The following HGF variants were observed in gnomAD, a reference collection of about 807,000 sequenced individuals.
HGF encodes the protein fibroblast-derived tumor cytotoxic factor.
In HGF, 39 loss-of-function variants were observed where a neutral mutation model predicts 111.6. That is an observed-to-expected ratio of 0.35 (90% CI 0.27 to 0.46). The LOEUF (loss-of-function observed/expected upper bound fraction) is 0.46, where lower values mean the gene tolerates loss of function less well. HGF is among the 20% of genes least tolerant of loss of function. The probability of loss-of-function intolerance (pLI) is 1.00; values close to 1 mark genes in which losing one functional copy is unlikely to be tolerated. For missense variants in HGF, 735 were observed against 910.5 expected (o/e 0.81, Z 2.48); for synonymous variants, 285 against 294.8 (o/e 0.97, Z 0.34).
rs776270506 is a variant in HGF at position 81,717,271 on chromosome 7, T to G, written c.1366A>C (p.Asn456His). 9 of 1,613,684 alleles carry G rather than the reference T, an allele frequency of 5.6e-6. No individual in the cohort carries two copies. In the South Asian group the frequency reaches 9.9e-5, roughly 18 times the overall value. Residue 456 changes from asparagine (N) to histidine (H), a missense_variant, in exon 11 of 18, where the codon AAT becomes CAT. Physicochemically the swap from Asn to His is moderately conservative, Grantham distance 68 (BLOSUM62 1). Coordinates refer to ENST00000222390, the MANE Select transcript of HGF (RefSeq NM_000601.6). ...DAHGPWCYTG[N>H]PLIPWDYCPI... is the part of the protein sequence containing the mutation. ...CAATAATCCCAAGGAATGAGTGGAT[T>G]TCCCGTGTAGCACCAGGGTCCATGA...
At chr7:81,756,239 T>C in intron 4 of HGF, 1 of 567,656 alleles carries the variant, frequency 1.8e-6, no homozygotes. Flanking sequence ...TTCAGTTTTG[T>C]CATGTAGGTA....
intron 7 of HGF, among the ~76,000 whole-genome samples, chr7:81,741,938 CAAAAAAAAAA>C (rs71520767): frequency 3.4e-3 from 156 of 46,346 alleles, no homozygotes; most frequent in African/African-American, 0.012. Flanking sequence ...AACTCCATCT[CAAAAAAAAAA>C]AAAAAAAAAA....
At chr7:81,724,578 TA>T (rs1233849917) in intron 9 of HGF, among the ~76,000 whole-genome samples, 7 of 152,330 alleles carry the variant, frequency 4.6e-5, no homozygotes, top group South Asian at 2.1e-4. Flanking sequence ...ATCTACCTTT[TA>T]AAAAAATTAT....
chr7:81,742,641 A>T, intron 7 of HGF: 1 of 1,083,544 alleles, frequency 9.2e-7, no homozygotes, highest in African/African-American at 1.6e-5. Context: ...TGTGTGACTT[A>T]ACCATAGAGG....
At chr7:81,733,013 A>G (rs1787716350) in intron 7 of HGF, among the ~76,000 whole-genome samples, 1 of 152,162 alleles carries the variant, frequency 6.6e-6, no homozygotes, top group Non-Finnish European at 1.5e-5. Flanking sequence ...TAATTGAAGA[A>G]TCTTTCACTT....
intron 7 of HGF, among the ~76,000 whole-genome samples, chr7:81,731,343 C>A (rs1319143913): frequency 6.6e-6 from 1 of 151,920 alleles, no homozygotes; most frequent in East Asian, 1.9e-4. Context: ...TCAGAAATAT[C>A]CAAACTTAAA....
rs764695573 is a variant in HGF at position 81,705,552 on chromosome 7, A to C, written c.1865-17T>G. 4 of 1,611,454 alleles carry C rather than the reference A, an allele frequency of 2.5e-6. No homozygotes were observed. Among genetic ancestry groups the C allele is most frequent in the Non-Finnish European group, 3.4e-6 (4 of 1,177,970 alleles). ...AGTTGATCACTAGATTGATGCAAAAAACATACAATAAGGTGAGAAAAGTAA... is the reference window on the plus strand; with the variant it reads ...AGTTGATCACTAGATTGATGCAAAACACATACAATAAGGTGAGAAAAGTAA... On this transcript the variant is annotated splice_polypyrimidine_tract_variant and intron_variant, in intron 16 of 17. Transcript: ENST00000222390.
At chr7:81,737,808 A>T (rs1438943693) in intron 7 of HGF, among the ~76,000 whole-genome samples, 1 of 152,134 alleles carries the variant, frequency 6.6e-6, no homozygotes, top group Admixed American at 6.5e-5. Flanking sequence ...AAAAACATGG[A>T]TTCATATAAT....
At chr7:81,726,040 T>G in intron 8 of HGF, 23 bp from the exon 9 acceptor site, 1 of 1,613,464 alleles carries the variant, frequency 6.2e-7, no homozygotes, top group Non-Finnish European at 8.5e-7. Context: ...AGCATGTTAA[T>G]GTAAATTGCC....
intron 10 of HGF, 41 bp downstream of exon 10, chr7:81,720,704 A>G: frequency 9.4e-7 from 1 of 1,060,004 alleles, no homozygotes; most frequent in Non-Finnish European, 1.5e-6. Flanking sequence ...GTCTGTTGGT[A>G]TCACTACATT....
chr7:81,718,948 C>T (rs2115858593), intron 10 of HGF, among the ~76,000 whole-genome samples: 1 of 152,202 alleles, frequency 6.6e-6, no homozygotes, highest in African/African-American at 2.4e-5. Flanking sequence ...TTTAATCATG[C>T]CAATTCTTAC....
At chr7:81,711,629 A>G (rs533170637) in intron 11 of HGF, 110 bp from the exon 12 acceptor site, 11 of 533,300 alleles carry the variant, frequency 2.1e-5, no homozygotes, top group African/African-American at 9.9e-5. Context: ...GTAATTTACT[A>G]AAATTTTTGT....
At chr7:81,741,931 T>A (rs1248122922) in intron 7 of HGF, among the ~76,000 whole-genome samples, 4 of 64,638 alleles carry the variant, frequency 6.2e-5, no homozygotes, top group Admixed American at 2.9e-4. Context: ...AGAGTGAAAC[T>A]CCATCTCAAA....
intron 9 of HGF, among the ~76,000 whole-genome samples, chr7:81,723,825 G>GAT (rs1189170958): frequency 1.3e-5 from 2 of 150,280 alleles, no homozygotes; most frequent in African/African-American, 4.9e-5. Context: ...CACACATATA[G>GAT]ATATATATAC....
chr7:81,755,875 C>G, intron 4 of HGF: 1 of 587,854 alleles, frequency 1.7e-6, no homozygotes, highest in Non-Finnish European at 3.0e-6. Flanking sequence ...TCAGCTTGGA[C>G]ACTTACTAGC....
chr7:81,733,377 A>T (rs1787726712), intron 7 of HGF, among the ~76,000 whole-genome samples: 1 of 151,962 alleles, frequency 6.6e-6, no homozygotes, highest in Admixed American at 6.6e-5. Context: ...TCTAAATAAT[A>T]ACATTATTAT....
chr7:81,710,843 T>C (rs1411287446), intron 12 of HGF, among the ~76,000 whole-genome samples: 1 of 152,198 alleles, frequency 6.6e-6, no homozygotes, highest in Non-Finnish European at 1.5e-5. Flanking sequence ...CCTCGCCTTA[T>C]CCCCTCTACT....
chr7:81,756,953 G>A (rs1472130073), intron 4 of HGF: 4 of 570,468 alleles, frequency 7.0e-6, no homozygotes, highest in Non-Finnish European at 1.2e-5. Flanking sequence ...CACAAATACC[G>A]AGATCTACAA....
At chr7:81,747,754 G>A (rs983592956) in intron 5 of HGF, among the ~76,000 whole-genome samples, 1 of 152,116 alleles carries the variant, frequency 6.6e-6, no homozygotes, top group African/African-American at 2.4e-5. Flanking sequence ...GCCAAGGCAG[G>A]CAGATTGCCT....
Sources: gnomAD v4.1 joint callset for allele counts (sites outside exome capture counted in the v4.1 genomes callset) on GRCh38, gnomAD v4.1.1 for gene constraint, MANE v1.5 for transcripts, NCBI Gene and HGNC (gene_info 2026-07-23, HGNC 2026-07-21) for gene names.